ZDHHC3: variants seen among roughly 807,000 people sequenced by gnomAD.
ZDHHC3 encodes the protein zDHHC palmitoyltransferase 3.
In ZDHHC3, 9 loss-of-function variants were observed where a neutral mutation model predicts 30.6. The ratio of observed to expected loss-of-function variants is 0.29; its 90% confidence interval spans 0.18 to 0.51. ZDHHC3 has a LOEUF of 0.51. Among genes scored for constraint, ZDHHC3 ranks in the 20% least tolerant of loss-of-function variants. The pLI is 0.97. For missense variants in ZDHHC3, 246 were observed against 384.2 expected (o/e 0.64, Z 3.01); for synonymous variants, 136 against 140.2 (o/e 0.97, Z 0.21).
chr3:44,958,731 A>G, intron 2 of ZDHHC3: 1 of 1,478,160 alleles, frequency 6.8e-7, no homozygotes, highest in Non-Finnish European at 9.1e-7. Context: ...TAGCTCCAGC[A>G]CTGTCTTCAC....
Position 44,926,307 on chromosome 3 carries a change from C to CCCCACCA in ZDHHC3, c.*375_*381dup. On this transcript the variant is annotated 3_prime_UTR_variant, in exon 7 of 7. Transcript: ENST00000424952. ...GGCCCTCCTGGCTTTCCCATGCATC[C>CCCCACCA]CCCACCAGGTGTCCAGACTATTCCA... is the stretch of plus-strand genomic sequence containing the variant. The CCCCACCA allele has an allele frequency of 1.0e-6, 1 of 991,784 alleles. No homozygotes were observed. Among genetic ancestry groups the CCCCACCA allele is most frequent in the Non-Finnish European group, 1.2e-6 (1 of 834,350 alleles). 61.4% of individuals were successfully genotyped at this position (991,784 alleles called of 1,614,324 possible).
At chr3:44,951,470 C>G (rs571164774) in intron 2 of ZDHHC3, among the ~76,000 whole-genome samples, 79 of 152,304 alleles carry the variant, frequency 5.2e-4, no homozygotes, top group African/African-American at 1.8e-3. Context: ...CTGCCCACTT[C>G]CTTTTCTATT....
chr3:44,939,352 A>G (rs946362616), intron 3 of ZDHHC3, among the ~76,000 whole-genome samples: 2 of 152,244 alleles, frequency 1.3e-5, no homozygotes, highest in African/African-American at 4.8e-5. Context: ...TGTTCCCAAT[A>G]CACAATTTTA....
chr3:44,923,821 A>G lies in ZDHHC3; in HGVS notation c.*2868T>C. 1.0e-6 allele frequency: 1 copy of G among 985,424 alleles called. No individual in the cohort carries two copies. The highest frequency in any genetic ancestry group is 1.2e-6 in the Non-Finnish European group (1 of 829,928). The allele number at this position is 985,424 out of a possible 1,614,324, so 61.0% of individuals were successfully genotyped here. On this transcript the variant is annotated 3_prime_UTR_variant, in exon 7 of 7. Coordinates refer to ENST00000424952, the MANE Select transcript of ZDHHC3 (RefSeq NM_001135179.2). ...TTGTCTCAAACAAAAAAGAGGAAGTACAGTATGAAGAAGACAAAATGGTGG... is the reference window on the plus strand; with the variant it reads ...TTGTCTCAAACAAAAAAGAGGAAGTGCAGTATGAAGAAGACAAAATGGTGG...
chr3:44,940,712 T>C (rs1311225607), intron 3 of ZDHHC3, among the ~76,000 whole-genome samples: 1 of 152,182 alleles, frequency 6.6e-6, no homozygotes, highest in Non-Finnish European at 1.5e-5. Flanking sequence ...TTTCCTACCA[T>C]TTTTTCAGGC....
At position 44,923,644 on chromosome 3, in the gene ZDHHC3, A is replaced by C. The variant is rs1329296887; in HGVS notation, c.*3045T>G. On this transcript the variant is annotated 3_prime_UTR_variant, in exon 7 of 7. Transcript: ENST00000424952. ...CAGTGAGACCCTGACTCTATTAAAA[A>C]ACAAAAAAATTAGCCAGGCATGGTA... 2 of 853,068 alleles carry C rather than the reference A, an allele frequency of 2.3e-6. No homozygotes were observed. Among genetic ancestry groups the C allele is most frequent in the Non-Finnish European group, 2.8e-6 (2 of 709,506 alleles). 52.8% of individuals were successfully genotyped at this position (853,068 alleles called of 1,614,324 possible).
In ZDHHC3 at chr3:44,918,261, T is replaced by A; in HGVS notation, c.*8428A>T. ...GGGGGGGGGCGGGGTGTCCACGGCA[T>A]GGGTAAGATGGGGTCTGAGTGGGCA... On this transcript the variant is annotated 3_prime_UTR_variant, in exon 7 of 7. Coordinates refer to ENST00000424952, the MANE Select transcript of ZDHHC3 (RefSeq NM_001135179.2). 1 of 1,206,480 alleles carries A rather than the reference T, an allele frequency of 8.3e-7. No individual in the cohort carries two copies. Among genetic ancestry groups the A allele is most frequent in the Non-Finnish European group, 1.1e-6 (1 of 946,990 alleles). 74.7% of individuals were successfully genotyped at this position (1,206,480 alleles called of 1,614,324 possible).
intron 1 of ZDHHC3, among the ~76,000 whole-genome samples, chr3:44,962,483 A>C (rs1704559719): frequency 7.3e-6 from 1 of 136,802 alleles, no homozygotes; most frequent in African/African-American, 2.7e-5. Flanking sequence ...ATCTTAAAAC[A>C]GAAAGGGAGA....
At chr3:44,958,490 T>C (rs1704153761) in intron 2 of ZDHHC3, 3 of 1,021,558 alleles carry the variant, frequency 2.9e-6, no homozygotes, top group Non-Finnish European at 3.0e-6. Flanking sequence ...GAGGGTTTAA[T>C]ACCAGGGTGC....
At position 44,944,900 on chromosome 3, in the gene ZDHHC3, G is replaced by A. The variant is rs528738215; in HGVS notation, c.431+268C>T. Among the ~76,000 whole-genome samples the A allele has an allele frequency of 9.2e-5, 14 of 152,314 alleles. 1 individual carries two copies. The South Asian group carries it at 2.3e-3, about 25-fold the overall frequency. On this transcript the variant is annotated intron_variant, in intron 3 of 6. Coordinates refer to ENST00000424952, the MANE Select transcript of ZDHHC3 (RefSeq NM_001135179.2). Reference sequence around the variant, plus strand: ...TATATAAAAACAAAGGCCCTGCCCAGGTCCTATGTCAGGTGTGGCAGAGCC... The same window carrying A: ...TATATAAAAACAAAGGCCCTGCCCAAGTCCTATGTCAGGTGTGGCAGAGCC...
rs148471687 is a variant in ZDHHC3, at chr3:44,972,218, T to A, written c.-25+3715A>T. On this transcript the variant is annotated intron_variant, in intron 1 of 6. Transcript: ENST00000424952. ...TGGCTCATGCCCATAATCACAGCACTTTGGGAGGCCAAGGCAGGCAGATCT... is the reference window on the plus strand; with the variant it reads ...TGGCTCATGCCCATAATCACAGCACATTGGGAGGCCAAGGCAGGCAGATCT... Among the ~76,000 whole-genome samples, 79 of 152,296 alleles carry A rather than the reference T, an allele frequency of 5.2e-4. 5 individuals are homozygous for A. In the East Asian group the frequency reaches 0.014, roughly 28 times the overall value.
In ZDHHC3 at chr3:44,922,146, T is replaced by A. The variant is rs1353252138; in HGVS notation, c.*4543A>T. On this transcript the variant is annotated 3_prime_UTR_variant, in exon 7 of 7. Coordinates refer to ENST00000424952, the MANE Select transcript of ZDHHC3 (RefSeq NM_001135179.2). ...TCTGCTTCACTGTGAATTCTTTCTC[T>A]TCTATGAGGTGATCCTAAGCCAGAT... 5.1e-6 allele frequency: 5 copies of A among 985,360 alleles called. No homozygotes were observed. In the African/African-American group the frequency reaches 5.2e-5, roughly 10 times the overall value. The allele number at this position is 985,360 out of a possible 1,614,324, so 61.0% of individuals were successfully genotyped here. A position where few individuals can be genotyped will look rare whatever the true frequency, so the allele number is the denominator to read the frequency against.
At chr3:44,975,162 C>G (rs536567659) in intron 1 of ZDHHC3, 2 of 151,942 alleles carry the variant, frequency 1.3e-5, no homozygotes, top group Non-Finnish European at 1.5e-5. Context: ...TTAACTTTCT[C>G]CCATTTATCC....
intron 2 of ZDHHC3, 28 bp from the exon 3 acceptor site, chr3:44,945,320 T>G: frequency 1.2e-6 from 2 of 1,613,910 alleles, no homozygotes; most frequent in Non-Finnish European, 1.7e-6. Context: ...GGTATCAGGG[T>G]TGGGCTGGGG....
Position 44,920,392 on chromosome 3 carries a change from G to A in ZDHHC3, c.*6297C>T, listed in dbSNP as rs781432185. 8 of 1,282,616 alleles carry A rather than the reference G, an allele frequency of 6.2e-6. No homozygotes were observed. The highest frequency in any genetic ancestry group is 3.7e-5 in the South Asian group (3 of 80,826). 79.5% of individuals were successfully genotyped at this position (1,282,616 alleles called of 1,614,324 possible). On this transcript the variant is annotated 3_prime_UTR_variant, in exon 7 of 7. Transcript: ENST00000424952. Reference sequence around the variant, plus strand: ...CACGAGAGCTGGGACATCACCATATGGCAGACCCGGCTACAGAGGAAACAC... The same window carrying A: ...CACGAGAGCTGGGACATCACCATATAGCAGACCCGGCTACAGAGGAAACAC...
chr3:44,930,778 T>C (rs573347451), intron 5 of ZDHHC3, among the ~76,000 whole-genome samples: 106 of 152,302 alleles, frequency 7.0e-4, no homozygotes, highest in African/African-American at 2.3e-3. Flanking sequence ...TGGCTCCTTG[T>C]GGGGCAGGGC....
In ZDHHC3 at chr3:44,976,146, C is replaced by G; in HGVS notation, c.-238G>C. On this transcript the variant is annotated 5_prime_UTR_variant, in exon 1 of 7. Coordinates refer to ENST00000424952, the MANE Select transcript of ZDHHC3 (RefSeq NM_001135179.2). ...GCTCTCCCGGCAGTGGCGGCGGCCG[C>G]GGCTGCAGGAGCGGCCGCCGCGCAG... The G allele has an allele frequency of 1.4e-6, 1 of 695,274 alleles. No individual in the cohort carries two copies. Among genetic ancestry groups the G allele is most frequent in the Non-Finnish European group, 2.1e-6 (1 of 485,476 alleles). 43.1% of individuals were successfully genotyped at this position (695,274 alleles called of 1,614,324 possible).
rs1700219637 is a variant in ZDHHC3, at chr3:44,917,002, A to G, written c.*9687T>C. The stretch of plus-strand genomic sequence containing the variant: ...GTCAGTTCTACCTACATGTGTTATT[A>G]GACTCCCTCCAAGAGGTAACATTCA... On this transcript the variant is annotated 3_prime_UTR_variant, in exon 7 of 7. Coordinates refer to ENST00000424952, the MANE Select transcript of ZDHHC3 (RefSeq NM_001135179.2). The G allele has an allele frequency of 6.6e-6, 1 of 152,194 alleles. No homozygotes were observed. The highest frequency in any genetic ancestry group is 1.5e-5 in the Non-Finnish European group (1 of 68,028). The allele number at this position is 152,194 out of a possible 1,614,324, so 9.4% of individuals were successfully genotyped here.
At chr3:44,931,586 C>A (rs761340249) in intron 5 of ZDHHC3, among the ~76,000 whole-genome samples, 8 of 152,198 alleles carry the variant, frequency 5.3e-5, no homozygotes, top group Non-Finnish European at 1.0e-4. Flanking sequence ...TGGTCATATA[C>A]AGTCAACTCT....
Sources: gnomAD v4.1 joint callset for allele counts (sites outside exome capture counted in the v4.1 genomes callset) on GRCh38, gnomAD v4.1.1 for gene constraint, MANE v1.5 for transcripts, NCBI Gene and HGNC (gene_info 2026-07-23, HGNC 2026-07-21) for gene names.